Variants in SLC1A1 observed in about 807,000 individuals in gnomAD.
The protein encoded by SLC1A1 is solute carrier family 1 member 1.
In SLC1A1, 43 loss-of-function variants were observed where a neutral mutation model predicts 53.3. The observed-to-expected ratio is 0.81, with a 90% CI of 0.63 to 1.04. The LOEUF is 1.04. Ranked by LOEUF, SLC1A1 falls within the 50% of genes least tolerant of loss-of-function variation. The pLI is 0.00. For missense variants in SLC1A1, 748 were observed against 664.9 expected (o/e 1.12, Z -1.37); for synonymous variants, 307 against 243.2 (o/e 1.26, Z -2.44).
intron 1 of SLC1A1, among the ~76,000 whole-genome samples, chr9:4,534,614 G>A (rs2130859647): frequency 6.6e-6 from 1 of 152,146 alleles, no homozygotes; most frequent in East Asian, 1.9e-4. Flanking sequence ...TGGATTCACA[G>A]CCGAATTCTA....
At chr9:4,550,127 C>T (rs1817805576) in intron 2 of SLC1A1, among the ~76,000 whole-genome samples, 1 of 152,164 alleles carries the variant, frequency 6.6e-6, no homozygotes, top group Admixed American at 6.5e-5. Flanking sequence ...GGACAAGTCA[C>T]ATTATTAAAC....
intron 8 of SLC1A1, among the ~76,000 whole-genome samples, chr9:4,575,443 C>T (rs1414273772): frequency 6.6e-6 from 1 of 152,154 alleles, no homozygotes; most frequent in Non-Finnish European, 1.5e-5. Context: ...GTAACTCTGA[C>T]TTCCCTCTTA....
Position 4,572,378 on chromosome 9 carries a change from A to T in SLC1A1, c.757A>T (p.Ile253Phe), listed in dbSNP as rs1291488149. 2 of 1,613,882 alleles carry T rather than the reference A, an allele frequency of 1.2e-6. No homozygotes were observed. Among genetic ancestry groups the T allele is most frequent in the Admixed American group, 3.3e-5 (2 of 60,022 alleles). Residue 253 changes from isoleucine (I) to phenylalanine (F), a missense_variant, in exon 7 of 12, where the codon ATC (isoleucine) becomes TTC (phenylalanine). Coordinates refer to ENST00000262352, the MANE Select transcript of SLC1A1 (RefSeq NM_004170.6). ...LSDATMKIVQ[I>F]IMCYMPLGIL... ...TGATGCAACCATGAAAATCGTTCAG[A>T]TCATCATGTGGTGAGCAGACACTGT...
intron 1 of SLC1A1, among the ~76,000 whole-genome samples, chr9:4,533,635 G>A (rs1816561190): frequency 6.6e-6 from 1 of 152,132 alleles, no homozygotes; most frequent in South Asian, 2.1e-4. Context: ...ACACCCCACT[G>A]TCAACATTAG....
At chr9:4,504,502 T>A (rs894039073) in intron 1 of SLC1A1, among the ~76,000 whole-genome samples, 1 of 152,228 alleles carries the variant, frequency 6.6e-6, no homozygotes, top group Non-Finnish European at 1.5e-5. Context: ...TACTTTTTCA[T>A]TAGCAAAAGT....
chr9:4,544,814 C>A, intron 2 of SLC1A1, 107 bp downstream of exon 2: 1 of 969,140 alleles, frequency 1.0e-6, no homozygotes, highest in Non-Finnish European at 1.6e-6. Context: ...AATTGACTCA[C>A]AGTTCATCCT....
rs768905004 is a variant in SLC1A1 at position 4,576,760 on chromosome 9, T to C, written c.1190T>C (p.Ile397Thr). Residue 397 changes from isoleucine (I) to threonine (T), a missense_variant, in exon 10 of 12, where the codon ATC becomes ACC. By Grantham distance (89) the Ile-to-Thr change is moderately conservative. Coordinates refer to ENST00000262352, the MANE Select transcript of SLC1A1 (RefSeq NM_004170.6). Reference sequence around the variant, plus strand: ...TTGGGCATTGGGCAGATCATCACCATCAGGTGGGGCATGGTGTCACATTCA... The same window carrying C: ...TTGGGCATTGGGCAGATCATCACCACCAGGTGGGGCATGGTGTCACATTCA... The part of the protein sequence containing the change: ...LDLGIGQIIT[I>T]SITATSASIG... 1.2e-6 allele frequency: 2 copies of C among 1,613,526 alleles called. No homozygotes were observed. Among genetic ancestry groups the C allele is most frequent in the South Asian group, 1.1e-5 (1 of 91,056 alleles).
chr9:4,511,158 T>G (rs1330323694), intron 1 of SLC1A1, among the ~76,000 whole-genome samples: 1 of 152,212 alleles, frequency 6.6e-6, no homozygotes, highest in Non-Finnish European at 1.5e-5. Context: ...GAGGGTGTCA[T>G]AGTCTGTTCT....
intron 6 of SLC1A1, among the ~76,000 whole-genome samples, chr9:4,571,521 C>A (rs989024972): frequency 6.6e-6 from 1 of 151,958 alleles, no homozygotes; most frequent in Non-Finnish European, 1.5e-5. Flanking sequence ...ACTAAAAATA[C>A]AAAAAATTAA....
intron 10 of SLC1A1, among the ~76,000 whole-genome samples, chr9:4,582,480 A>T (rs1015132856): frequency 2.0e-5 from 3 of 152,194 alleles, no homozygotes; most frequent in African/African-American, 7.2e-5. Flanking sequence ...CCATTGTCTC[A>T]TTCCTTTGCC....
chr9:4,561,502 G>A lies in SLC1A1; in HGVS notation c.286G>A (p.Val96Met), dbSNP rs572265548. 6.1e-5 allele frequency: 98 copies of A among 1,608,650 alleles called. No homozygotes were observed. The highest frequency in any genetic ancestry group is 2.8e-4 in the African/African-American group (21 of 74,894). The part of the protein sequence containing the change: ...VSGKIGLRAV[V>M]YYFCTTLIAV... ...CGGAAAAATTGGTCTGCGCGCTGTC[G>A]TGTATTATTTCTGTACCACTCTCAT... Residue 96 changes from valine (V) to methionine (M), a missense_variant, in exon 3 of 12, where the codon GTG becomes ATG. Val to Met is a conservative substitution (Grantham distance 21). Coordinates refer to ENST00000262352, the MANE Select transcript of SLC1A1 (RefSeq NM_004170.6).
At chr9:4,509,412 C>T (rs576941505) in intron 1 of SLC1A1, among the ~76,000 whole-genome samples, 1 of 152,150 alleles carries the variant, frequency 6.6e-6, no homozygotes, top group Admixed American at 6.5e-5. Context: ...GGATGAATAA[C>T]TGGGAAGCTA....
At chr9:4,497,591 T>C (rs923475439) in intron 1 of SLC1A1, among the ~76,000 whole-genome samples, 2 of 152,220 alleles carry the variant, frequency 1.3e-5, no homozygotes, top group African/African-American at 2.4e-5. Flanking sequence ...CAAACTCTAT[T>C]ACCTCCATAA....
At chr9:4,575,232 C>T (rs894444851) in intron 8 of SLC1A1, among the ~76,000 whole-genome samples, 28 of 152,200 alleles carry the variant, frequency 1.8e-4, no homozygotes, top group Admixed American at 2.0e-4. Context: ...ATTTCAAACA[C>T]ACATAACTGA....
intron 1 of SLC1A1, among the ~76,000 whole-genome samples, chr9:4,507,134 T>C (rs1181048487): frequency 6.6e-6 from 1 of 151,966 alleles, no homozygotes; most frequent in Non-Finnish European, 1.5e-5. Flanking sequence ...CTTGGGAGGT[T>C]GAGGCAGGAG....
intron 1 of SLC1A1, among the ~76,000 whole-genome samples, chr9:4,529,406 T>C (rs945962790): frequency 6.6e-6 from 1 of 152,216 alleles, no homozygotes; most frequent in African/African-American, 2.4e-5. Flanking sequence ...TACGAATTCA[T>C]ACTCGTCCTT....
rs1012508317 is a variant in SLC1A1 at position 4,583,091 on chromosome 9, T to G, written c.1247T>G (p.Leu416Arg). 1 of 1,614,114 alleles carries G rather than the reference T, an allele frequency of 6.2e-7. No individual in the cohort carries two copies. Among genetic ancestry groups the G allele is most frequent in the Non-Finnish European group, 8.5e-7 (1 of 1,180,048 alleles). ...IGAAGVPQAG[L>R]VTMVIVLSAV... ...GCTGCTGGCGTGCCCCAGGCTGGCC[T>G]GGTGACCATGGTGATTGTGCTGAGT... The change falls in exon 11 of 12, where the codon CTG becomes CGG. Residue 416 changes from leucine to arginine, a missense_variant. By Grantham distance (102) the Leu-to-Arg change is moderately radical. Transcript: ENST00000262352. This position sits in a 1 kb window ranked among gnomAD's most constrained non-coding sequence, Gnocchi z 4.6.
intron 3 of SLC1A1, among the ~76,000 whole-genome samples, chr9:4,562,276 G>A (rs1819030032): frequency 6.6e-6 from 1 of 151,896 alleles, no homozygotes. Flanking sequence ...GTTTCACCAT[G>A]TTGGCCAGGC....
intron 1 of SLC1A1, among the ~76,000 whole-genome samples, chr9:4,491,438 C>T (rs1438836821): frequency 6.6e-6 from 1 of 152,214 alleles, no homozygotes; most frequent in African/African-American, 2.4e-5. Flanking sequence ...GCTAAGAGAA[C>T]TCAGCCGTCT....
Sources: allele counts gnomAD v4.1 joint callset (sites outside exome capture counted in the v4.1 genomes callset), GRCh38; gene constraint gnomAD v4.1.1; non-coding constraint Gnocchi (gnomAD v3.1); transcripts MANE v1.5; gene names NCBI Gene and HGNC (gene_info 2026-07-23, HGNC 2026-07-21).